Variants in LRRC37A2 observed in about 807,000 individuals in gnomAD.
LRRC37A2 encodes leucine-rich repeat-containing protein 37A2.
A neutral mutation model predicts 68.8 loss-of-function variants in LRRC37A2; 9 were observed. That is an observed-to-expected ratio of 0.13 (90% CI 0.08 to 0.23). The LOEUF is 0.23. LRRC37A2 is among the 10% of genes least tolerant of loss of function. LRRC37A2 has a pLI of 1.00. For synonymous variants in LRRC37A2, 63 were observed against 367.6 expected (o/e 0.17, Z 9.48); for missense variants, 168 against 950.4 (o/e 0.18, Z 10.82).
the LRRC37A2 span, among the ~76,000 whole-genome samples, chr17:46,788,793 C>T: frequency 1.5e-3 from 230 of 152,278 alleles, no homozygotes; most frequent in Non-Finnish European, 2.4e-3. Context: ...CTCAGCAGCC[C>T]CACTGAGTGC....
chr17:46,794,758 T>C, the LRRC37A2 span, among the ~76,000 whole-genome samples: 49 of 149,636 alleles, frequency 3.3e-4, no homozygotes, highest in East Asian at 7.6e-3. Context: ...TTTTCTTTTT[T>C]TTTTTTTTTT....
At chr17:46,990,288 TTAAA>T in the LRRC37A2 span, among the ~76,000 whole-genome samples, 1 of 152,224 alleles carries the variant, frequency 6.6e-6, no homozygotes, top group East Asian at 1.9e-4. Context: ...ACATAAGGTA[TTAAA>T]TTAAATCCCC....
At chr17:46,922,078 C>G in the LRRC37A2 span, among the ~76,000 whole-genome samples, 5 of 152,168 alleles carry the variant, frequency 3.3e-5, no homozygotes, top group African/African-American at 9.7e-5. Flanking sequence ...GACCTGGAAC[C>G]AACCCAAATG....
chr17:46,712,661 T>C, the LRRC37A2 span, among the ~76,000 whole-genome samples: 1 of 152,156 alleles, frequency 6.6e-6, no homozygotes, highest in East Asian at 1.9e-4. Flanking sequence ...GTATATAGAC[T>C]GTGGTTGAAG....
the LRRC37A2 span, among the ~76,000 whole-genome samples, chr17:46,490,712 A>T: frequency 6.8e-6 from 1 of 146,926 alleles, no homozygotes; most frequent in Non-Finnish European, 1.5e-5. Flanking sequence ...TGACAGAGTG[A>T]GACTTCATCT....
the LRRC37A2 span, among the ~76,000 whole-genome samples, chr17:46,777,218 A>G: frequency 2.0e-5 from 3 of 152,232 alleles, no homozygotes; most frequent in African/African-American, 7.2e-5. Context: ...TCAAAAAAAA[A>G]AAAGAAAAAG....
chr17:46,728,913 A>C, the LRRC37A2 span: 1 of 1,606,690 alleles, frequency 6.2e-7, no homozygotes, highest in Admixed American at 1.7e-5. Context: ...TTCTCGTTTT[A>C]CTGAAAAAGG....
At chr17:46,946,378 T>G in the LRRC37A2 span, among the ~76,000 whole-genome samples, 1 of 150,092 alleles carries the variant, frequency 6.7e-6, no homozygotes, top group Non-Finnish European at 1.5e-5. Flanking sequence ...GGAGAATTGC[T>G]TGAACCTGGG....
At chr17:46,821,177 G>C in the LRRC37A2 span, 1 of 152,314 alleles carries the variant, frequency 6.6e-6, no homozygotes, top group Non-Finnish European at 1.5e-5. Flanking sequence ...GAAACAAGTG[G>C]GTTGAAGGGT....
the LRRC37A2 span, among the ~76,000 whole-genome samples, chr17:46,496,607 G>GA: frequency 7.5e-3 from 328 of 43,848 alleles, 9 homozygotes; most frequent in African/African-American, 0.012. Context: ...CATCTCAAAA[G>GA]AAAAAAAAAA....
the LRRC37A2 span, chr17:46,966,861 C>G: frequency 2.4e-6 from 1 of 408,256 alleles, no homozygotes; most frequent in African/African-American, 2.0e-5. Flanking sequence ...GTGAAGAGCC[C>G]TCTCTAAATG....
the LRRC37A2 span, among the ~76,000 whole-genome samples, chr17:46,925,907 A>G: frequency 2.0e-5 from 3 of 152,242 alleles, no homozygotes. Context: ...TTTAATTTAG[A>G]TGAACTTTAT....
At chr17:46,851,002 G>A in the LRRC37A2 span, among the ~76,000 whole-genome samples, 1 of 152,170 alleles carries the variant, frequency 6.6e-6, no homozygotes, top group Non-Finnish European at 1.5e-5. The surrounding 1 kb of genome is among the most constrained non-coding windows in gnomAD (Gnocchi z 4.3). Context: ...TCTCCCCTCT[G>A]CCCAAGACTC....
At chr17:46,872,623 C>G in the LRRC37A2 span, 4 of 1,613,384 alleles carry the variant, frequency 2.5e-6, no homozygotes, top group South Asian at 3.3e-5. Flanking sequence ...GAAGCTGTCC[C>G]GGCGGCAGAA....
chr17:46,983,977 C>A, the LRRC37A2 span: 2 of 152,334 alleles, frequency 1.3e-5, 1 homozygote, highest in South Asian at 4.1e-4. Context: ...GCCATCGGAC[C>A]TCTCCATGGT....
the LRRC37A2 span, among the ~76,000 whole-genome samples, chr17:46,777,914 A>G: frequency 1.3e-5 from 2 of 152,202 alleles, no homozygotes; most frequent in African/African-American, 2.4e-5. Context: ...CCTGTTGCCC[A>G]GGTCCCACCA....
chr17:46,807,201 G>C, the LRRC37A2 span, among the ~76,000 whole-genome samples: 1 of 152,200 alleles, frequency 6.6e-6, no homozygotes, highest in East Asian at 1.9e-4. Flanking sequence ...ACAGAAAGAA[G>C]GCCGGGCCTG....
chr17:46,746,027 T>C, the LRRC37A2 span, among the ~76,000 whole-genome samples: 2 of 152,200 alleles, frequency 1.3e-5, no homozygotes, highest in Non-Finnish European at 2.9e-5. Flanking sequence ...GAAAAAGCTT[T>C]CTCTGCCACG....
the LRRC37A2 span, among the ~76,000 whole-genome samples, chr17:46,804,960 T>A: frequency 1.8e-5 from 2 of 113,292 alleles, no homozygotes; most frequent in African/African-American, 6.9e-5. Context: ...CCCCCTTGGG[T>A]CGCCTTCCAT....
Sources: allele counts gnomAD v4.1 joint callset (sites outside exome capture counted in the v4.1 genomes callset), GRCh38; gene constraint gnomAD v4.1.1; non-coding constraint Gnocchi (gnomAD v3.1); transcripts MANE v1.5; gene names NCBI Gene and HGNC (gene_info 2026-07-23, HGNC 2026-07-21).